KCNH7: variants seen among roughly 807,000 people sequenced by gnomAD.
KCNH7 encodes voltage-gated inwardly rectifying potassium channel KCNH7.
In KCNH7, 49 loss-of-function variants were observed where a neutral mutation model predicts 120.8. The ratio of observed to expected loss-of-function variants is 0.41; its 90% CI spans 0.32 to 0.51. The LOEUF is 0.51. Among genes scored for constraint, KCNH7 ranks in the 20% least tolerant of loss-of-function variants. KCNH7 has a pLI of 0.38. For missense variants in KCNH7, 1,097 were observed against 1,446.6 expected, an observed-to-expected ratio of 0.76 and a Z score of 3.92; for synonymous variants, 547 against 516.1, an observed-to-expected ratio of 1.06 and a Z score of -0.81.
At chr2:162,473,415 C>A (rs1291465972) in intron 6 of KCNH7, among the ~76,000 whole-genome samples, 3 of 152,048 alleles carry the variant, frequency 2.0e-5, no homozygotes, top group Admixed American at 6.5e-5. Context: ...GTCTTTAGAA[C>A]TGCATATGAG....
intron 10 of KCNH7, among the ~76,000 whole-genome samples, chr2:162,399,270 G>A (rs1687003850): frequency 6.6e-6 from 1 of 151,640 alleles, no homozygotes; most frequent in Admixed American, 6.6e-5. Context: ...CTGTTTCCTT[G>A]CTCTTCCCCA....
intron 14 of KCNH7, among the ~76,000 whole-genome samples, chr2:162,376,365 T>TG (rs1260183590): frequency 1.4e-5 from 2 of 139,998 alleles, no homozygotes; most frequent in African/African-American, 5.7e-5. Context: ...CAAAGTGTGG[T>TG]TTGTTTTTTT....
chr2:162,530,480 A>G (rs1007207511), intron 3 of KCNH7, among the ~76,000 whole-genome samples: 3 of 152,000 alleles, frequency 2.0e-5, no homozygotes, highest in African/African-American at 7.3e-5. Context: ...GCGCACACAC[A>G]CACACACACA....
intron 2 of KCNH7, among the ~76,000 whole-genome samples, chr2:162,737,127 T>C (rs577065139): frequency 6.6e-6 from 1 of 152,314 alleles, no homozygotes; most frequent in East Asian, 1.9e-4. Flanking sequence ...CAGTGAAGCA[T>C]GAAGCCCATT....
intron 2 of KCNH7, among the ~76,000 whole-genome samples, chr2:162,563,199 G>GCT (rs1050132265): frequency 2.0e-5 from 3 of 152,272 alleles, no homozygotes; most frequent in Admixed American, 2.0e-4. Flanking sequence ...GAGGAAATCT[G>GCT]CTTTCTTCAT....
chr2:162,448,543 T>C (rs1339908165), intron 6 of KCNH7, among the ~76,000 whole-genome samples: 1 of 151,994 alleles, frequency 6.6e-6, no homozygotes, highest in Admixed American at 6.6e-5. Context: ...GTGTAGTCAA[T>C]CAAAGAGGAA....
chr2:162,550,753 CCAGA>C (rs1315810337), intron 2 of KCNH7, among the ~76,000 whole-genome samples: 5 of 151,884 alleles, frequency 3.3e-5, no homozygotes, highest in Admixed American at 3.3e-4. Context: ...AAATTATTTG[CCAGA>C]CAAAGAAAGT....
At chr2:162,665,305 A>C (rs1016016901) in intron 2 of KCNH7, among the ~76,000 whole-genome samples, 1 of 152,174 alleles carries the variant, frequency 6.6e-6, no homozygotes, top group African/African-American at 2.4e-5. Flanking sequence ...CAAAATCCTC[A>C]TTTTTATTAT....
chr2:162,739,453 A>G (rs1688039033), intron 2 of KCNH7, among the ~76,000 whole-genome samples: 1 of 152,064 alleles, frequency 6.6e-6, no homozygotes, highest in Non-Finnish European at 1.5e-5. Context: ...CTGGGGCACC[A>G]TGTCTTTTCT....
chr2:162,411,222 G>A (rs1435417123), intron 9 of KCNH7, among the ~76,000 whole-genome samples: 3 of 151,958 alleles, frequency 2.0e-5, no homozygotes, highest in Admixed American at 6.6e-5. Flanking sequence ...GCCTATCAAC[G>A]GTGGACTGGA....
At chr2:162,480,688 A>C (rs1178836026) in intron 6 of KCNH7, among the ~76,000 whole-genome samples, 1 of 152,036 alleles carries the variant, frequency 6.6e-6, no homozygotes, top group Non-Finnish European at 1.5e-5. Flanking sequence ...TTTTAAACAA[A>C]CTCTATTTAT....
chr2:162,546,283 T>C (rs1692474383), intron 2 of KCNH7, among the ~76,000 whole-genome samples: 1 of 152,178 alleles, frequency 6.6e-6, no homozygotes, highest in Admixed American at 6.5e-5. Flanking sequence ...ATCAGGAAGT[T>C]TGGGCACATT....
intron 2 of KCNH7, among the ~76,000 whole-genome samples, chr2:162,774,854 C>T (rs1683177785): frequency 6.6e-6 from 1 of 152,082 alleles, no homozygotes; most frequent in Admixed American, 6.6e-5. Flanking sequence ...ATTTTATAGG[C>T]ATCACTTCAA....
intron 3 of KCNH7, among the ~76,000 whole-genome samples, chr2:162,519,995 C>G (rs1432765488): frequency 6.6e-6 from 1 of 151,582 alleles, no homozygotes; most frequent in Non-Finnish European, 1.5e-5. Flanking sequence ...ATTCTGTCTT[C>G]ACTCCAATGA....
intron 2 of KCNH7, among the ~76,000 whole-genome samples, chr2:162,792,499 G>A (rs560448092): frequency 8.6e-5 from 13 of 151,894 alleles, no homozygotes; most frequent in African/African-American, 2.9e-4. Context: ...ATTCTTCCTG[G>A]CTCAGTCTTA....
chr2:162,597,988 T>C (rs2105945858), intron 2 of KCNH7, among the ~76,000 whole-genome samples: 1 of 152,232 alleles, frequency 6.6e-6, no homozygotes, highest in East Asian at 1.9e-4. Context: ...CAGAGAATCT[T>C]TCTACCCCTA....
chr2:162,793,818 T>A (rs559271348), intron 2 of KCNH7, among the ~76,000 whole-genome samples: 2 of 151,984 alleles, frequency 1.3e-5, no homozygotes, highest in Non-Finnish European at 2.9e-5. Context: ...TTATTTTCTG[T>A]TTATTTTTTA....
chr2:162,508,475 T>TA (rs1275554900), intron 5 of KCNH7, among the ~76,000 whole-genome samples: 1 of 151,466 alleles, frequency 6.6e-6, no homozygotes. Context: ...TCATGCTGTA[T>TA]AAAAAAGATA....
At chr2:162,643,357 C>CA (rs1398015369) in intron 2 of KCNH7, among the ~76,000 whole-genome samples, 2 of 151,194 alleles carry the variant, frequency 1.3e-5, no homozygotes, top group African/African-American at 4.9e-5. Context: ...CAAAAAAACC[C>CA]AAAAAACAGA....
Sources: allele counts gnomAD v4.1 joint callset (sites outside exome capture counted in the v4.1 genomes callset), GRCh38; gene constraint gnomAD v4.1.1; transcripts MANE v1.5; gene names NCBI Gene and HGNC (gene_info 2026-07-23, HGNC 2026-07-21).